The following DST variants were observed in gnomAD, a reference collection of about 807,000 sequenced individuals.
The protein encoded by DST is bullous pemphigoid antigen.
In DST, 253 loss-of-function variants were observed where a neutral mutation model predicts 875.2. The ratio of observed to expected loss-of-function variants is 0.29; its 90% CI spans 0.26 to 0.32. The LOEUF is 0.32. DST is among the 10% of genes least tolerant of loss of function. DST has a pLI of 1.00. For missense variants in DST, 8,287 were observed against 9,111.6 expected (o/e 0.91, Z 3.68); for synonymous variants, 3,124 against 3,197.1 (o/e 0.98, Z 0.77).
At chr6:56,563,894 G>A (rs1164794070) in intron 55 of DST, among the ~76,000 whole-genome samples, 1 of 152,094 alleles carries the variant, frequency 6.6e-6, no homozygotes, top group South Asian at 2.1e-4. Context: ...GCGGATGTGT[G>A]GTGTTATTTC....
chr6:56,742,287 T>C, intron 4 of DST: 1 of 1,289,488 alleles, frequency 7.8e-7, no homozygotes. Flanking sequence ...AGCACATCAG[T>C]CCCACCAGCT....
intron 4 of DST, among the ~76,000 whole-genome samples, chr6:56,761,317 T>G (rs747779888): frequency 6.6e-6 from 1 of 152,162 alleles, no homozygotes; most frequent in Admixed American, 6.5e-5. Context: ...GCTTACTGAT[T>G]TAGCTGCCAA....
chr6:56,602,876 ACTTGC>A lies in DST; in HGVS notation c.11307+1_11307+5del. On this transcript the variant is annotated splice_donor_variant and splice_donor_5th_base_variant and intron_variant, in intron 43 of 103. Coordinates refer to ENST00000680361, the MANE Select transcript of DST (RefSeq NM_001374736.1). LOFTEE classifies it high-confidence loss of function. ...TATATTTTGTCATCTTTGTTTTGATACTTGCCTTGAGAAACTCCAAACGTTTCTTT... is the reference window on the plus strand; with the variant it reads ...TATATTTTGTCATCTTTGTTTTGATACTTGAGAAACTCCAAACGTTTCTTT... The A allele has an allele frequency of 6.6e-7, 1 of 1,505,044 alleles. No individual in the cohort carries two copies. Among genetic ancestry groups the A allele is most frequent in the Non-Finnish European group, 8.8e-7 (1 of 1,133,266 alleles). The allele number at this position is 1,505,044 out of a possible 1,614,324, so 93.2% of individuals were successfully genotyped here.
rs11359681 is a variant in DST, at chr6:56,465,867, T to TAAA, written c.22687+208_22687+210dup. Among the ~76,000 whole-genome samples the TAAA allele has an allele frequency of 1.4e-3, 157 of 112,368 alleles. 1 individual carries two copies. Among genetic ancestry groups the TAAA allele is most frequent in the African/African-American group, 4.5e-3 (149 of 33,466 alleles). 73.7% of individuals were successfully genotyped at this position (112,368 alleles called of 152,430 possible). On this transcript the variant is annotated intron_variant, in intron 99 of 103. Coordinates refer to ENST00000680361, the MANE Select transcript of DST (RefSeq NM_001374736.1). ...GCCCACCATATTTATCCAGAAAAAGTAAAAAAAAAAAAAAAAAAGAAAGAA... is the reference window on the plus strand; with the variant it reads ...GCCCACCATATTTATCCAGAAAAAGTAAAAAAAAAAAAAAAAAAAAAGAAAGAA...
chr6:56,523,317 G>C (rs2152500466), intron 69 of DST, among the ~76,000 whole-genome samples: 1 of 152,018 alleles, frequency 6.6e-6, no homozygotes, highest in East Asian at 1.9e-4. Context: ...AAGTTCAATA[G>C]CGTATCTTTT....
rs929879935 is a variant in DST at position 56,853,508 on chromosome 6, A to G, written c.418-1904T>C. ...TCTATCTTCCTAAAAATGGCTTCCT[A>G]TCTGTCCTTATTTAAGGTCATCCTT... On this transcript the variant is annotated intron_variant, in intron 3 of 103. Transcript: ENST00000680361. Among the ~76,000 whole-genome samples, 9 of 152,262 alleles carry G rather than the reference A, an allele frequency of 5.9e-5. No homozygotes were observed. In the East Asian group the frequency reaches 1.7e-3, roughly 29 times the overall value.
intron 4 of DST, 136 bp downstream of exon 4, chr6:56,851,261 G>T: frequency 1.3e-6 from 1 of 790,354 alleles, no homozygotes; most frequent in Non-Finnish European, 2.0e-6. Flanking sequence ...AAGTAAACAT[G>T]GTCATCATCC....
chr6:56,810,184 T>C (rs532061650), intron 4 of DST, among the ~76,000 whole-genome samples: 1 of 152,208 alleles, frequency 6.6e-6, no homozygotes, highest in African/African-American at 2.4e-5. Context: ...CCAGGCATGG[T>C]GGCACGTTCC....
intron 4 of DST, among the ~76,000 whole-genome samples, chr6:56,739,316 A>G (rs1359484963): frequency 6.6e-6 from 1 of 152,082 alleles, no homozygotes; most frequent in Non-Finnish European, 1.5e-5. Flanking sequence ...TGCTATTCCT[A>G]GACAGTTCAA....
At chr6:56,472,985 T>G (rs150893152) in intron 93 of DST, among the ~76,000 whole-genome samples, 68 of 152,364 alleles carry the variant, frequency 4.5e-4, no homozygotes, top group African/African-American at 1.3e-3. Flanking sequence ...CTAGGATTTA[T>G]AGTACAACAA....
At chr6:56,722,432 G>A (rs149168973) in intron 5 of DST, among the ~76,000 whole-genome samples, 5 of 152,068 alleles carry the variant, frequency 3.3e-5, no homozygotes, top group African/African-American at 9.7e-5. Context: ...CACCCAGGCT[G>A]GAGTGCAGTG....
At chr6:56,855,714 G>T (rs1334351635) in intron 3 of DST, among the ~76,000 whole-genome samples, 1 of 152,120 alleles carries the variant, frequency 6.6e-6, no homozygotes, top group African/African-American at 2.4e-5. Flanking sequence ...AGGATCAAGG[G>T]TGAACCCATC....
chr6:56,486,071 A>AT (rs1479070035), intron 87 of DST, among the ~76,000 whole-genome samples: 3 of 152,110 alleles, frequency 2.0e-5, no homozygotes, highest in Admixed American at 6.5e-5. Flanking sequence ...GGAATTTAAG[A>AT]TTTTTTCAAG....
intron 36 of DST, chr6:56,617,458 G>T: frequency 1.4e-6 from 2 of 1,465,564 alleles, no homozygotes; most frequent in South Asian, 2.3e-5. Context: ...GTCACCTCAA[G>T]AACATTATGT....
At chr6:56,519,994 T>A (rs1278783323) in intron 69 of DST, among the ~76,000 whole-genome samples, 1 of 151,942 alleles carries the variant, frequency 6.6e-6, no homozygotes, top group African/African-American at 2.4e-5. Context: ...TTGAAACAAA[T>A]GAGAAATTAG....
rs113998459 is a variant in DST, at chr6:56,560,421, C to T, written c.14313G>A (p.Ser4771=). The change falls in exon 58 of 104, where the codon TCG becomes TCA. Residue 4771 remains serine, a splice_region_variant and synonymous_variant. Coordinates refer to ENST00000680361, the MANE Select transcript of DST (RefSeq NM_001374736.1). ...CATTCTGCTTCAGTTCTGCCTCAAA[C>T]GACTAACAAGGGAAAAATAATAATA... The part of the protein sequence containing the change: ...AVKTQVEQNK[S]FEAELKQNVN... 1,106 of 1,591,772 alleles carry T rather than the reference C, an allele frequency of 6.9e-4. 4 individuals are homozygous for T. In the African/African-American group the frequency reaches 0.01, roughly 15 times the overall value.
At chr6:56,695,566 T>C (rs534789885) in intron 9 of DST, among the ~76,000 whole-genome samples, 1 of 152,342 alleles carries the variant, frequency 6.6e-6, no homozygotes, top group East Asian at 1.9e-4. Flanking sequence ...GCCATTCAGA[T>C]CCCACTACAA....
In DST at chr6:56,605,991, C is replaced by T; in HGVS notation, c.8637G>A (p.Gln2879=). The T allele has an allele frequency of 6.2e-7, 1 of 1,612,698 alleles. No individual in the cohort carries two copies. ...AGTTATTTTCACTAGGTGATGCTAG[C>T]TGTACAACATTTACCCTTTGCTGTT... The part of the protein sequence containing the change: ...LEKQQRVNVV[Q]LASPSENNLV... Residue 2879 remains glutamine (Q), a synonymous_variant, in exon 40 of 104, where the codon CAG becomes CAA. Transcript: ENST00000680361.
chr6:56,809,920 G>T (rs930669286), intron 4 of DST, among the ~76,000 whole-genome samples: 4 of 152,044 alleles, frequency 2.6e-5, no homozygotes, highest in Non-Finnish European at 4.4e-5. Context: ...TTACCTATCA[G>T]TATTACTTTA....
Sources: gnomAD v4.1 joint callset for allele counts (sites outside exome capture counted in the v4.1 genomes callset) on GRCh38, gnomAD v4.1.1 for gene constraint, MANE v1.5 for transcripts, NCBI Gene and HGNC (gene_info 2026-07-23, HGNC 2026-07-21) for gene names.